Variants in TBC1D14 observed in about 807,000 individuals in gnomAD.
The protein encoded by TBC1D14 is TBC1 domain family member 14, also known as TBC1 domain family, member 14.
A neutral mutation model predicts 79.0 loss-of-function variants in TBC1D14; 26 were observed. That is an observed-to-expected ratio of 0.33 (90% CI 0.24 to 0.46). TBC1D14 has a LOEUF of 0.46. TBC1D14 is among the 20% of genes least tolerant of loss of function. The probability of loss-of-function intolerance (pLI) is 1.00; values close to 1 mark genes in which losing one functional copy is unlikely to be tolerated. For synonymous variants in TBC1D14, 394 were observed against 349.9 expected (o/e 1.13, Z -1.40); for missense variants, 769 against 887.6 (o/e 0.87, Z 1.70).
At chr4:7,011,536 G>GT (rs1241283945) in intron 11 of TBC1D14, among the ~76,000 whole-genome samples, 8 of 151,264 alleles carry the variant, frequency 5.3e-5, no homozygotes, top group South Asian at 2.1e-4. Context: ...GCCCATCAGG[G>GT]TTTTTTTTGT....
intron 2 of TBC1D14, among the ~76,000 whole-genome samples, chr4:6,955,263 G>A (rs1455425909): frequency 1.3e-5 from 2 of 152,128 alleles, no homozygotes; most frequent in African/African-American, 2.4e-5. Flanking sequence ...GTATACCTCG[G>A]AAGTGGGATT....
intron 9 of TBC1D14, among the ~76,000 whole-genome samples, chr4:7,007,867 G>T (rs970701650): frequency 6.6e-6 from 1 of 152,170 alleles, no homozygotes; most frequent in African/African-American, 2.4e-5. Context: ...AGCCCAAAAG[G>T]CCCTTCCCCA....
At chr4:6,987,246 TCCGC>T (rs933636891) in intron 3 of TBC1D14, 232 of 1,263,928 alleles carry the variant, frequency 1.8e-4, no homozygotes, top group South Asian at 1.6e-3. Context: ...AGCCGCCGCG[TCCGC>T]CCGCCCGCCC....
At chr4:7,008,172 C>T (rs2109237940) in intron 9 of TBC1D14, among the ~76,000 whole-genome samples, 1 of 152,282 alleles carries the variant, frequency 6.6e-6, no homozygotes, top group South Asian at 2.1e-4. Context: ...TAAATCCAAC[C>T]AGAGGTCAAA....
intron 3 of TBC1D14, among the ~76,000 whole-genome samples, chr4:6,974,650 C>G (rs1332044434): frequency 6.6e-6 from 1 of 152,192 alleles, no homozygotes; most frequent in African/African-American, 2.4e-5. Context: ...CCACAACTCA[C>G]AGAAGGCTGG....
intron 2 of TBC1D14, among the ~76,000 whole-genome samples, chr4:6,967,066 C>T (rs937352720): frequency 1.3e-5 from 2 of 152,198 alleles, no homozygotes; most frequent in African/African-American, 4.8e-5. Context: ...ACCTCGGCCT[C>T]CCAAAGTGCT....
In TBC1D14 at chr4:7,031,881, A is replaced by C. The variant is rs980361364; in HGVS notation, c.*1489A>C. ...TAGCTTGTAACAGGAGCCTTGGGCTAGGGGCTGGGGAAGGAAAGCCGAGCT... is the reference window on the plus strand; with the variant it reads ...TAGCTTGTAACAGGAGCCTTGGGCTCGGGGCTGGGGAAGGAAAGCCGAGCT... On this transcript the variant is annotated 3_prime_UTR_variant, in exon 14 of 14. Transcript: ENST00000409757. The C allele has an allele frequency of 1.3e-5, 2 of 152,304 alleles. No individual in the cohort carries two copies. Among genetic ancestry groups the C allele is most frequent in the African/African-American group, 4.8e-5 (2 of 41,434 alleles). 9.4% of individuals were successfully genotyped at this position (152,304 alleles called of 1,614,324 possible). A position where few individuals can be genotyped will look rare whatever the true frequency, so the allele number is the denominator to read the frequency against.
At chr4:6,986,511 C>T (rs3857168) in intron 3 of TBC1D14, among the ~76,000 whole-genome samples, 65,011 of 152,008 alleles carry the variant, frequency 0.43, 14,778 homozygotes, top group East Asian at 0.62. Flanking sequence ...CTGATGGAGA[C>T]CTGTCTGCCG....
At position 6,921,789 on chromosome 4, in the gene TBC1D14, T is replaced by G. The variant is rs898047161; in HGVS notation, c.-17-1584T>G. Among the ~76,000 whole-genome samples the G allele has an allele frequency of 6.7e-5, 10 of 150,272 alleles. No individual in the cohort carries two copies. The East Asian group carries it at 1.6e-3, about 24-fold the overall frequency. On this transcript the variant is annotated intron_variant, in intron 1 of 13. Coordinates refer to ENST00000409757, the MANE Select transcript of TBC1D14 (RefSeq NM_020773.3). ...TCGGCTCACTGCAACCTCCACCTCC[T>G]GGGTTCAAGCAATTCTCCTGCCTCA...
intron 3 of TBC1D14, among the ~76,000 whole-genome samples, chr4:6,989,700 T>C (rs1718289743): frequency 3.9e-5 from 6 of 152,150 alleles, no homozygotes; most frequent in Admixed American, 3.9e-4. Context: ...CAAATTAGTT[T>C]CCTCTTTTCC....
At chr4:6,921,195 GAA>G (rs2108916031) in intron 1 of TBC1D14, among the ~76,000 whole-genome samples, 1 of 152,098 alleles carries the variant, frequency 6.6e-6, no homozygotes, top group African/African-American at 2.4e-5. Context: ...TTAGGCCAGA[GAA>G]CTTTATTTTT....
At chr4:7,021,846 A>G (rs577394798) in intron 12 of TBC1D14, among the ~76,000 whole-genome samples, 2 of 152,346 alleles carry the variant, frequency 1.3e-5, no homozygotes, top group South Asian at 4.1e-4. Context: ...GGGAAGGCCA[A>G]GGGGCCCTTC....
At chr4:7,029,327 C>G (rs1404450508) in intron 13 of TBC1D14, among the ~76,000 whole-genome samples, 1 of 152,240 alleles carries the variant, frequency 6.6e-6, no homozygotes, top group African/African-American at 2.4e-5. Context: ...ACTGTGTTAC[C>G]AAGATTCTCT....
intron 2 of TBC1D14, among the ~76,000 whole-genome samples, chr4:6,963,510 T>A (rs1577092267): frequency 2.0e-5 from 3 of 151,918 alleles, no homozygotes; most frequent in Admixed American, 6.6e-5. Context: ...GACCTGAGAG[T>A]GATGTTTGGT....
At chr4:6,937,830 G>T (rs1712487207) in intron 2 of TBC1D14, among the ~76,000 whole-genome samples, 1 of 152,134 alleles carries the variant, frequency 6.6e-6, no homozygotes, top group African/African-American at 2.4e-5. Context: ...AGACCCTGAA[G>T]CCTGGAGGGT....
intron 3 of TBC1D14, among the ~76,000 whole-genome samples, chr4:6,989,586 C>T (rs1227835236): frequency 1.3e-5 from 2 of 152,212 alleles, no homozygotes; most frequent in South Asian, 2.1e-4. Context: ...ACGGTCTCAC[C>T]TGTGTGGGAG....
rs1315075073 is a variant in TBC1D14, at chr4:6,945,685, G to A, written c.722+21574G>A. 2.0e-5 allele frequency among the ~76,000 whole-genome samples: 3 copies of A among 151,018 alleles called. No individual in the cohort carries two copies. The East Asian group carries it at 5.8e-4, about 29-fold the overall frequency. ...AATCGCTTGAACCCGGGAGGCGGAG[G>A]TTGCGGTGAGCCGAGATCGCGCCAT... On this transcript the variant is annotated intron_variant, in intron 2 of 13. Transcript: ENST00000409757.
At chr4:6,977,768 CAGGCCGCCA>C (rs1716902113) in intron 3 of TBC1D14, among the ~76,000 whole-genome samples, 1 of 83,504 alleles carries the variant, frequency 1.2e-5, no homozygotes, top group Non-Finnish European at 2.7e-5. Flanking sequence ...GCGTCTCTGC[CAGGCCGCCA>C]TCCCATCTAG....
At chr4:6,994,776 C>T (rs893872487) in intron 4 of TBC1D14, among the ~76,000 whole-genome samples, 2 of 151,420 alleles carry the variant, frequency 1.3e-5, no homozygotes, top group African/African-American at 4.9e-5. Context: ...AGGAGAATCA[C>T]TTGAACCTGG....
Sources: allele counts gnomAD v4.1 joint callset (sites outside exome capture counted in the v4.1 genomes callset), GRCh38; gene constraint gnomAD v4.1.1; transcripts MANE v1.5; gene names NCBI Gene and HGNC (gene_info 2026-07-23, HGNC 2026-07-21).